Variants in CCNL2 observed in about 807,000 individuals in gnomAD.
CCNL2 encodes the protein cyclin-L2.
A neutral mutation model predicts 59.1 loss-of-function variants in CCNL2; 28 were observed. The ratio of observed to expected loss-of-function variants is 0.47; its 90% CI spans 0.35 to 0.65. CCNL2 has a LOEUF of 0.65. Ranked by LOEUF, CCNL2 falls within the 30% of genes least tolerant of loss-of-function variation. The pLI is 0.00. For synonymous variants in CCNL2, 342 were observed against 288.6 expected (o/e 1.19, Z -1.88); for missense variants, 714 against 717.4 (o/e 1.00, Z 0.05).
In CCNL2 at chr1:1,387,254, C is replaced by A; in HGVS notation, c.1540G>T (p.Gly514Trp). The change falls in exon 11 of 11, where the codon GGG becomes TGG. Residue 514 changes from glycine (G) to tryptophan (W), a missense_variant. Gly to Trp is a radical substitution (Grantham distance 184, BLOSUM62 -2). Transcript: ENST00000400809. ...CCTCACCTCCGATGCCTGCTGTGCCCAGGGTGGTCCCGCTCATAGCGACGG... is the reference window on the plus strand; with the variant it reads ...CCTCACCTCCGATGCCTGCTGTGCCAAGGGTGGTCCCGCTCATAGCGACGG... Reference protein sequence around the residue: ...TGRRYERDHPGHSRHRR With the variant: ...TGRRYERDHPWHSRHRR 4 of 1,608,376 alleles carry A rather than the reference C, an allele frequency of 2.5e-6. No homozygotes were observed. The highest frequency in any genetic ancestry group is 3.4e-6 in the Non-Finnish European group (4 of 1,179,322).
chr1:1,392,700 C>G (rs1295175518), intron 5 of CCNL2: 1 of 1,575,336 alleles, frequency 6.3e-7, no homozygotes, highest in Non-Finnish European at 8.6e-7. Flanking sequence ...AGCCAGCCTT[C>G]GGTGGAGAGC....
At chr1:1,392,265 T>C (rs1292534705) in intron 5 of CCNL2, 2 of 930,238 alleles carry the variant, frequency 2.1e-6, no homozygotes, top group African/African-American at 3.6e-5. Context: ...TTAAAATTCT[T>C]AAAAACAAAT....
chr1:1,387,570 G>A lies in CCNL2; in HGVS notation c.1224C>T (p.Ser408=), dbSNP rs577602975. Residue 408 remains serine (S), a synonymous_variant, in exon 11 of 11, where the codon AGC becomes AGT. Coordinates refer to ENST00000400809, the MANE Select transcript of CCNL2 (RefSeq NM_030937.6). The part of the protein sequence containing the change: ...SASPKRRKSD[S]GSTSGGSKSQ... The stretch of plus-strand genomic sequence containing the variant: ...ACTTGGACCCACCAGATGTGGAGCC[G>A]CTGTCACTTTTCCTGGGAGGAAGAA... 5.7e-5 allele frequency: 85 copies of A among 1,492,946 alleles called. No homozygotes were observed. The South Asian group carries it at 6.7e-4, about 12-fold the overall frequency. 92.5% of individuals were successfully genotyped at this position (1,492,946 alleles called of 1,614,324 possible).
chr1:1,389,970 T>C (rs533876435), intron 8 of CCNL2, among the ~76,000 whole-genome samples: 1 of 151,730 alleles, frequency 6.6e-6, no homozygotes, highest in South Asian at 2.1e-4. Context: ...CAAAAAGAAT[T>C]AGCCAAGCAT....
At chr1:1,398,377 T>C (rs1460744307) in intron 2 of CCNL2, 35 bp from the exon 3 acceptor site, 11 of 1,613,096 alleles carry the variant, frequency 6.8e-6, no homozygotes, top group Admixed American at 1.7e-5. Context: ...CCCATGTTTG[T>C]CCCCAGCCAC....
chr1:1,388,337 A>G (rs1644571904), intron 8 of CCNL2: 19 of 440,954 alleles, frequency 4.3e-5, no homozygotes, highest in South Asian at 3.6e-4. Context: ...CCTGCCCAAC[A>G]TGGTGAAACC....
chr1:1,395,102 G>A (rs1241956042), intron 4 of CCNL2: 11 of 330,850 alleles, frequency 3.3e-5, no homozygotes, highest in East Asian at 5.1e-5. Flanking sequence ...TGTAGAGAAA[G>A]GAAAACATAA....
chr1:1,388,297 C>T (rs573777963), intron 8 of CCNL2: 62 of 522,376 alleles, frequency 1.2e-4, no homozygotes, highest in African/African-American at 9.4e-4. Context: ...CCGAGGAGGG[C>T]GGATCACAAA....
intron 8 of CCNL2, among the ~76,000 whole-genome samples, chr1:1,389,731 G>A (rs983057433): frequency 6.6e-6 from 1 of 152,062 alleles, no homozygotes; most frequent in Non-Finnish European, 1.5e-5. Context: ...AGGCTGAGGT[G>A]GGCAGATCAC....
Position 1,395,595 on chromosome 1 carries a change from G to C in CCNL2, c.474-81C>G, listed in dbSNP as rs1052466800. ...AGATCCCGTCGTTACCTCCAACTAT[G>C]AGCACCTAACACAAACCCCACAACA... On this transcript the variant is annotated intron_variant, in intron 3 of 10. Transcript: ENST00000400809. 4.2e-5 allele frequency: 67 copies of C among 1,580,452 alleles called. No homozygotes were observed. In the Admixed American group the frequency reaches 4.5e-4, roughly 11 times the overall value.
Position 1,390,449 on chromosome 1 carries a change from G to A in CCNL2, c.864+10C>T. On this transcript the variant is annotated intron_variant, in intron 7 of 10. Coordinates refer to ENST00000400809, the MANE Select transcript of CCNL2 (RefSeq NM_030937.6). ...AAACGCATACGTTACATGAAAAAAT[G>A]CCGAAGAACCTTTTTCCGAGCATAA... The A allele has an allele frequency of 6.2e-7, 1 of 1,612,660 alleles. No individual in the cohort carries two copies. The highest frequency in any genetic ancestry group is 1.1e-5 in the South Asian group (1 of 90,810).
At chr1:1,398,479 C>A in intron 2 of CCNL2, 118 bp downstream of exon 2, 2 of 1,577,104 alleles carry the variant, frequency 1.3e-6, no homozygotes, top group Non-Finnish European at 1.7e-6. Context: ...ACAGAACCCT[C>A]CGGCACAGAG....
intron 4 of CCNL2, 179 bp downstream of exon 4, chr1:1,395,215 T>C: frequency 1.8e-6 from 1 of 560,706 alleles, no homozygotes; most frequent in Non-Finnish European, 3.0e-6. Context: ...AATAAACAGC[T>C]GACACTAGAA....
At chr1:1,398,527 C>G in intron 2 of CCNL2, 70 bp downstream of exon 2, 1 of 1,583,280 alleles carries the variant, frequency 6.3e-7, no homozygotes, top group Non-Finnish European at 8.7e-7. Context: ...CCTTAGTAAC[C>G]GGGCAAAGTA....
intron 3 of CCNL2, among the ~76,000 whole-genome samples, chr1:1,397,005 C>G (rs977390501): frequency 1.3e-4 from 20 of 152,156 alleles, no homozygotes; most frequent in South Asian, 8.3e-4. Flanking sequence ...CCTCGGCCTC[C>G]CAAAGTGCTG....
At chr1:1,393,929 A>G (rs1386565172) in intron 4 of CCNL2, among the ~76,000 whole-genome samples, 1 of 152,040 alleles carries the variant, frequency 6.6e-6, no homozygotes, top group Non-Finnish European at 1.5e-5. Context: ...GAGTTCGAGA[A>G]CAGCCTGACC....
intron 3 of CCNL2, 42 bp from the exon 4 acceptor site, chr1:1,395,556 G>C (rs763516610): frequency 4.3e-6 from 7 of 1,609,554 alleles, no homozygotes; most frequent in South Asian, 3.3e-5. Flanking sequence ...CAGTCAAGCA[G>C]AGCAAGGCTT....
intron 8 of CCNL2, 66 bp from the exon 9 acceptor site, chr1:1,388,131 A>G: frequency 3.7e-6 from 5 of 1,339,870 alleles, no homozygotes; most frequent in Admixed American, 1.7e-5. Context: ...ACAAGTTCGT[A>G]GAGCGAGATA....
intron 3 of CCNL2, among the ~76,000 whole-genome samples, chr1:1,397,070 C>T (rs974989754): frequency 1.3e-5 from 2 of 152,050 alleles, no homozygotes; most frequent in African/African-American, 4.8e-5. Flanking sequence ...TTAATAGGGA[C>T]AGGGTTTCAC....
Sources: allele counts gnomAD v4.1 joint callset (sites outside exome capture counted in the v4.1 genomes callset), GRCh38; gene constraint gnomAD v4.1.1; transcripts MANE v1.5; gene names NCBI Gene and HGNC (gene_info 2026-07-23, HGNC 2026-07-21).